SYNE1: variants seen among roughly 807,000 people sequenced by gnomAD.
The protein encoded by SYNE1 is nesprin-1.
SYNE1 carries 616 observed loss-of-function variants against 1,111.0 expected under a neutral mutation model. The ratio of observed to expected loss-of-function variants is 0.55; its 90% CI spans 0.52 to 0.59. The LOEUF is 0.59. SYNE1 is among the 20% of genes least tolerant of loss of function. The probability of loss-of-function intolerance (pLI) is 0.00; values close to 1 mark genes in which losing one functional copy is unlikely to be tolerated. For synonymous variants in SYNE1, 3,855 were observed against 3,825.8 expected, an observed-to-expected ratio of 1.01 and a Z score of -0.28; for missense variants, 10,006 against 10,417.0, an observed-to-expected ratio of 0.96 and a Z score of 1.72.
intron 3 of SYNE1, among the ~76,000 whole-genome samples, chr6:152,627,317 A>G (rs528042629): frequency 2.4e-4 from 36 of 152,282 alleles, no homozygotes; most frequent in African/African-American, 7.5e-4. Context: ...CTGTTCACCT[A>G]TGAGTTTCTA....
In SYNE1 at chr6:152,534,700, C is replaced by T. The variant is rs144987649; in HGVS notation, c.129+5260G>A. Among the ~76,000 whole-genome samples the T allele has an allele frequency of 1.4e-3, 215 of 152,270 alleles. 2 individuals are homozygous for T. Among genetic ancestry groups the T allele is most frequent in the Middle Eastern group, 6.8e-3 (2 of 294 alleles). ...CTTCCTGTCTGAGCTCATTAATAGT[C>T]TCACCAAAATGTGTACAAGGAAACA... On this transcript the variant is annotated intron_variant, in intron 4 of 145. Transcript: ENST00000367255.
intron 12 of SYNE1, 95 bp downstream of exon 12, chr6:152,488,301 T>C (rs961961930): frequency 4.5e-6 from 3 of 670,976 alleles, no homozygotes; most frequent in Non-Finnish European, 5.2e-6. Context: ...TTCTCATTAA[T>C]GTAATTTGAA....
chr6:152,509,248 C>CT (rs11305679), intron 8 of SYNE1, among the ~76,000 whole-genome samples: 54 of 75,742 alleles, frequency 7.1e-4, no homozygotes, highest in South Asian at 1.0e-3. Flanking sequence ...TTTTCTTTTT[C>CT]TTTTTTTTTT....
At chr6:152,317,919 A>C (rs2095774596) in intron 86 of SYNE1, among the ~76,000 whole-genome samples, 162 bp downstream of exon 86, 1 of 152,230 alleles carries the variant, frequency 6.6e-6, no homozygotes, top group Admixed American at 6.5e-5. Context: ...TTTATACCTA[A>C]GTCTTAGGAT....
chr6:152,235,069 G>A (rs2083685901), intron 110 of SYNE1, among the ~76,000 whole-genome samples: 1 of 152,120 alleles, frequency 6.6e-6, no homozygotes, highest in Non-Finnish European at 1.5e-5. Flanking sequence ...AATATTAGAT[G>A]ATGGTTACAA....
intron 104 of SYNE1, among the ~76,000 whole-genome samples, chr6:152,253,657 T>C (rs1040850545): frequency 8.5e-5 from 13 of 152,054 alleles, no homozygotes; most frequent in Admixed American, 7.2e-4. Flanking sequence ...AGACAATGAA[T>C]ATGAGAAAAT....
At chr6:152,539,681 A>C (rs2099260160) in intron 4 of SYNE1, among the ~76,000 whole-genome samples, 1 of 152,210 alleles carries the variant, frequency 6.6e-6, no homozygotes, top group Non-Finnish European at 1.5e-5. Context: ...TATGACACAC[A>C]CATTAGTATT....
chr6:152,156,014 G>A lies in SYNE1; in HGVS notation c.23874C>T (p.Asp7958=), dbSNP rs749141262. Residue 7958 remains aspartate (D), a synonymous_variant, in exon 132 of 146, where the codon GAC becomes GAT. Transcript: ENST00000367255. ...NLCEVLLHDC[D]ACATDAECDS... is the part of the protein sequence containing the mutation. ...CACACTCGGCATCAGTGGCACAGGC[G>A]TCACAGTCGTGCAGCAGGACTTCAC... The A allele has an allele frequency of 2.7e-5, 43 of 1,614,008 alleles. No individual in the cohort carries two copies. Among genetic ancestry groups the A allele is most frequent in the Admixed American group, 5.0e-5 (3 of 59,994 alleles).
chr6:152,586,659 C>T (rs1464362125), intron 3 of SYNE1, among the ~76,000 whole-genome samples: 4 of 98,490 alleles, frequency 4.1e-5, no homozygotes, highest in African/African-American at 1.9e-4. Context: ...CTCTCATACA[C>T]ACACACACAC....
chr6:152,609,850 A>G (rs1311231090), intron 3 of SYNE1, among the ~76,000 whole-genome samples: 1 of 152,220 alleles, frequency 6.6e-6, no homozygotes, highest in Non-Finnish European at 1.5e-5. Context: ...ACCCAAGCAA[A>G]CAGGGTCTGG....
intron 143 of SYNE1, among the ~76,000 whole-genome samples, chr6:152,132,712 CA>C (rs1375779373): frequency 6.6e-6 from 1 of 152,098 alleles, no homozygotes; most frequent in African/African-American, 2.4e-5. Flanking sequence ...CAGGGCAAAG[CA>C]TGTGTTCATG....
rs1287906785 is a variant in SYNE1, at chr6:152,353,404, A to G, written c.11112T>C (p.Ile3704=). ...ATGATTCTGATTCCTCCAAACTCTG[A>G]ATCTCCTCCTCCAGGAATTTTATTT... The part of the protein sequence containing the change: ...LEQIKFLEEE[I]QSLEESESSL... Residue 3704 remains isoleucine, a synonymous_variant, in exon 69 of 146, where the codon ATT becomes ATC. Coordinates refer to ENST00000367255, the MANE Select transcript of SYNE1 (RefSeq NM_182961.4). 1 of 1,614,106 alleles carries G rather than the reference A, an allele frequency of 6.2e-7. No individual in the cohort carries two copies. Among genetic ancestry groups the G allele is most frequent in the African/African-American group, 1.3e-5 (1 of 74,930 alleles).
At chr6:152,490,970 T>C (rs1416723384) in intron 11 of SYNE1, among the ~76,000 whole-genome samples, 1 of 152,220 alleles carries the variant, frequency 6.6e-6, no homozygotes, top group Non-Finnish European at 1.5e-5. Context: ...TTTTCCTCTC[T>C]AATAGAGACA....
intron 91 of SYNE1, 99 bp downstream of exon 91, chr6:152,308,390 G>A (rs1426531682): frequency 1.9e-6 from 3 of 1,556,046 alleles, no homozygotes; most frequent in African/African-American, 1.3e-5. Context: ...ATTAAGTGCA[G>A]GACAGGGGAA....
Position 152,560,004 on chromosome 6 carries a change from A to C in SYNE1, c.68-19983T>G, listed in dbSNP as rs551007124. 1.6e-4 allele frequency among the ~76,000 whole-genome samples: 24 copies of C among 152,302 alleles called. No homozygotes were observed. The East Asian group carries it at 4.6e-3, about 29-fold the overall frequency. On this transcript the variant is annotated intron_variant, in intron 3 of 145. Transcript: ENST00000367255. ...CAATTGTATATCAACAAATTGGATA[A>C]TCTAGAAGAAATGGATAAATTCCAG...
At chr6:152,201,755 A>T in intron 127 of SYNE1, 69 bp downstream of exon 127, 1 of 1,611,600 alleles carries the variant, frequency 6.2e-7, no homozygotes, top group Non-Finnish European at 8.5e-7. Context: ...GTTTGACTGG[A>T]TTATGGCCCC....
chr6:152,444,602 A>G (rs755889020), intron 29 of SYNE1, 24 bp from the exon 30 acceptor site: 1 of 1,566,698 alleles, frequency 6.4e-7, no homozygotes, highest in Non-Finnish European at 8.7e-7. Context: ...AAAAAAAAAA[A>G]CACGTAAATC....
intron 36 of SYNE1, among the ~76,000 whole-genome samples, chr6:152,429,020 T>C (rs1237454421): frequency 6.6e-6 from 1 of 151,462 alleles, no homozygotes; most frequent in Admixed American, 6.6e-5. Context: ...TGTAACATGC[T>C]ATAATCACTC....
chr6:152,458,779 G>A lies in SYNE1; in HGVS notation c.2546C>T (p.Ala849Val), dbSNP rs199758630. ...TVLEREAQSS[A>V]LFKQKHQELL... ...CACCTGATGTTTTTGTTTAAAAAGG[G>A]CACTCGATTGTGCCTCACGCTCAAG... Residue 849 changes from alanine (A) to valine (V), a missense_variant, in exon 22 of 146, where the codon GCC becomes GTC. Physicochemically the swap from Ala to Val is moderately conservative, Grantham distance 64. Coordinates refer to ENST00000367255, the MANE Select transcript of SYNE1 (RefSeq NM_182961.4). 4 of 1,613,964 alleles carry A rather than the reference G, an allele frequency of 2.5e-6. No individual in the cohort carries two copies. The African/African-American group carries it at 4.0e-5, about 16-fold the overall frequency.
Sources: gnomAD v4.1 joint callset for allele counts (sites outside exome capture counted in the v4.1 genomes callset) on GRCh38, gnomAD v4.1.1 for gene constraint, MANE v1.5 for transcripts, NCBI Gene and HGNC (gene_info 2026-07-23, HGNC 2026-07-21) for gene names.